Variants in HNF1B observed in about 807,000 individuals in gnomAD.
The protein encoded by HNF1B is hepatocyte nuclear factor 1-beta.
HNF1B carries 8 observed loss-of-function variants against 61.7 expected under a neutral mutation model. The ratio of observed to expected loss-of-function variants is 0.13; its 90% confidence interval spans 0.08 to 0.23. The LOEUF (loss-of-function observed/expected upper bound fraction) is 0.23. Among genes scored for constraint, HNF1B ranks in the 10% least tolerant of loss-of-function variants. The pLI is 1.00. For synonymous variants in HNF1B, 314 were observed against 287.7 expected (o/e 1.09, Z -0.93); for missense variants, 562 against 714.5 (o/e 0.79, Z 2.43).
At chr17:37,697,035 T>C (rs1050302354) in intron 8 of HNF1B, among the ~76,000 whole-genome samples, 8 of 152,142 alleles carry the variant, frequency 5.3e-5, no homozygotes, top group Admixed American at 4.6e-4. Flanking sequence ...GCAGTTACCG[T>C]AGAATTTTAA....
intron 4 of HNF1B, among the ~76,000 whole-genome samples, chr17:37,713,524 A>C (rs888132002): frequency 6.6e-6 from 1 of 152,200 alleles, no homozygotes; most frequent in African/African-American, 2.4e-5. Flanking sequence ...TATATAAGAA[A>C]TATAACGGTG....
chr17:37,699,541 G>GCAC (rs2032495942), intron 7 of HNF1B, among the ~76,000 whole-genome samples: 1 of 152,192 alleles, frequency 6.6e-6, no homozygotes, highest in Admixed American at 6.5e-5. Context: ...CTGGTCCAGG[G>GCAC]CACCATGGGC....
At chr17:37,712,173 T>A (rs893915588) in intron 4 of HNF1B, among the ~76,000 whole-genome samples, 3 of 152,264 alleles carry the variant, frequency 2.0e-5, no homozygotes, top group Non-Finnish European at 4.4e-5. Context: ...ACGCTTGCTC[T>A]ATGAGCTTTT....
At chr17:37,716,488 T>C (rs2033116677) in intron 4 of HNF1B, among the ~76,000 whole-genome samples, 1 of 152,200 alleles carries the variant, frequency 6.6e-6, no homozygotes, top group Non-Finnish European at 1.5e-5. Flanking sequence ...CATGAGCCAC[T>C]GCGCCCGGCC....
chr17:37,727,103 T>TTCC (rs369014886), intron 4 of HNF1B, among the ~76,000 whole-genome samples: 1 of 152,060 alleles, frequency 6.6e-6, no homozygotes, highest in South Asian at 2.1e-4. Flanking sequence ...CCGCGCCAAC[T>TTCC]TCCTCCTCCT....
In HNF1B at chr17:37,687,498, G is replaced by A. The variant is rs8066605; in HGVS notation, c.1654-106C>T. 0.047 allele frequency: 40,841 copies of A among 868,848 alleles called. 1,717 individuals are homozygous for A. The highest frequency in any genetic ancestry group is 0.18 in the African/African-American group (11,071 of 60,936). 53.8% of individuals were successfully genotyped at this position (868,848 alleles called of 1,614,324 possible). On this transcript the variant is annotated intron_variant, in intron 8 of 8. Coordinates refer to ENST00000617811, the MANE Select transcript of HNF1B (RefSeq NM_000458.4). The stretch of plus-strand genomic sequence containing the variant: ...GATGATGCCCAACTCAACCAGCAAA[G>A]AGCAGCAGGTGGAGGGCTGGGGGCC...
In HNF1B at chr17:37,687,187, G is replaced by A. The variant is rs1210651052; in HGVS notation, c.*185C>T. 1.1e-6 allele frequency: 1 copy of A among 878,116 alleles called. No individual in the cohort carries two copies. Among genetic ancestry groups the A allele is most frequent in the East Asian group, 2.6e-5 (1 of 38,048 alleles). 54.4% of individuals were successfully genotyped at this position (878,116 alleles called of 1,614,324 possible). On this transcript the variant is annotated 3_prime_UTR_variant, in exon 9 of 9. Transcript: ENST00000617811. ...GCAATACTGCATAGAAGGGAAACTGGGCTTCGGGCTGCGCCTCCTGAGAGT... is the reference window on the plus strand; with the variant it reads ...GCAATACTGCATAGAAGGGAAACTGAGCTTCGGGCTGCGCCTCCTGAGAGT...
chr17:37,737,694 G>A (rs2033872162), intron 2 of HNF1B, among the ~76,000 whole-genome samples: 1 of 151,920 alleles, frequency 6.6e-6, no homozygotes, highest in East Asian at 1.9e-4. Context: ...AATTAGCCAG[G>A]TGTGGTGGCG....
At chr17:37,720,482 G>A (rs751364837) in intron 4 of HNF1B, among the ~76,000 whole-genome samples, 1 of 151,742 alleles carries the variant, frequency 6.6e-6, no homozygotes, top group Non-Finnish European at 1.5e-5. Context: ...TGTTTCTAGA[G>A]AAGAGAAAAT....
At chr17:37,701,610 GA>G (rs1415341877) in intron 6 of HNF1B, among the ~76,000 whole-genome samples, 1 of 152,206 alleles carries the variant, frequency 6.6e-6, no homozygotes, top group Non-Finnish European at 1.5e-5. Context: ...CTGTCCAGTA[GA>G]GGGCAGGAGT....
At position 37,710,614 on chromosome 17, in the gene HNF1B, T is replaced by G. The variant is rs767974372; in HGVS notation, c.1095A>C (p.Thr365=). Residue 365 remains threonine (T), a synonymous_variant, in exon 5 of 9, where the codon ACA becomes ACC. Coordinates refer to ENST00000617811, the MANE Select transcript of HNF1B (RefSeq NM_000458.4). ...QGNNEITSSS[T]ISHHGNSAMV... ...TGGCGCTGTTGCCATGGTGACTGAT[T>G]GTTGAGGAGGAAGTGATCTCATTGT... 1.2e-6 allele frequency: 2 copies of G among 1,614,004 alleles called. No individual in the cohort carries two copies. The highest frequency in any genetic ancestry group is 2.2e-5 in the East Asian group (1 of 44,886).
At chr17:37,709,625 A>G (rs1275480604) in intron 5 of HNF1B, among the ~76,000 whole-genome samples, 1 of 152,184 alleles carries the variant, frequency 6.6e-6, no homozygotes. Context: ...CTAAACTTGC[A>G]TCTGGGTGTG....
intron 5 of HNF1B, among the ~76,000 whole-genome samples, chr17:37,710,127 G>A (rs1007951498): frequency 4.6e-5 from 7 of 152,338 alleles, no homozygotes; most frequent in African/African-American, 1.7e-4. Flanking sequence ...TCAAAGTGAG[G>A]TGCTCTCTAA....
intron 7 of HNF1B, 62 bp from the exon 8 acceptor site, chr17:37,699,256 G>T: frequency 2.4e-6 from 3 of 1,253,968 alleles, no homozygotes; most frequent in Non-Finnish European, 3.5e-6. Flanking sequence ...CAGGTACAGA[G>T]CCCCCATCCC....
intron 4 of HNF1B, among the ~76,000 whole-genome samples, chr17:37,716,296 C>CA (rs2033108811): frequency 1.3e-5 from 2 of 152,130 alleles, no homozygotes; most frequent in South Asian, 4.1e-4. Flanking sequence ...CTCCCGGGCT[C>CA]AAGTGATTCT....
chr17:37,690,212 A>C (rs1008911175), intron 8 of HNF1B, among the ~76,000 whole-genome samples: 10 of 152,204 alleles, frequency 6.6e-5, no homozygotes, highest in Non-Finnish European at 1.3e-4. Context: ...CACAGAAAAA[A>C]AGAGCTCCAG....
chr17:37,713,551 A>C (rs1277740569), intron 4 of HNF1B, among the ~76,000 whole-genome samples: 6 of 152,246 alleles, frequency 3.9e-5, no homozygotes, highest in Non-Finnish European at 5.9e-5. Flanking sequence ...CTCTGTCAAA[A>C]GACAGATGAG....
At chr17:37,723,370 A>G (rs2033388122) in intron 4 of HNF1B, among the ~76,000 whole-genome samples, 1 of 152,020 alleles carries the variant, frequency 6.6e-6, no homozygotes, top group Non-Finnish European at 1.5e-5. Flanking sequence ...AAGAAAAAGA[A>G]AAAAGAAAAA....
intron 2 of HNF1B, among the ~76,000 whole-genome samples, chr17:37,738,521 T>C (rs2033899485): frequency 1.3e-5 from 2 of 152,122 alleles, no homozygotes; most frequent in South Asian, 4.1e-4. Context: ...AGCCAGAGGA[T>C]AGTGTGTGGG....
Sources: gnomAD v4.1 joint callset for allele counts (sites outside exome capture counted in the v4.1 genomes callset) on GRCh38, gnomAD v4.1.1 for gene constraint, MANE v1.5 for transcripts, NCBI Gene and HGNC (gene_info 2026-07-23, HGNC 2026-07-21) for gene names.